TSPEAR: variants seen among roughly 807,000 people sequenced by gnomAD.
TSPEAR encodes the protein thrombospondin type laminin G domain and EAR repeats, also known as thrombospondin-type laminin G domain and EAR repeat-containing protein.
A neutral mutation model predicts 71.6 loss-of-function variants in TSPEAR; 69 were observed. That is an observed-to-expected ratio of 0.96 (90% CI 0.79 to 1.18). The LOEUF is 1.18. TSPEAR is among the 50% of genes most tolerant of loss of function. The pLI is 0.00. For synonymous variants in TSPEAR, 402 were observed against 387.2 expected, an observed-to-expected ratio of 1.04 and a Z score of -0.45; for missense variants, 971 against 894.9, an observed-to-expected ratio of 1.09 and a Z score of -1.09.
intron 11 of TSPEAR, among the ~76,000 whole-genome samples, chr21:44,503,810 G>T (rs1358915913): frequency 8.4e-6 from 1 of 119,378 alleles, no homozygotes. Flanking sequence ...GTGAGCCCTC[G>T]GGGGGAAGCA....
At chr21:44,590,353 G>A (rs1555926286) in intron 1 of TSPEAR, among the ~76,000 whole-genome samples, 1 of 152,076 alleles carries the variant, frequency 6.6e-6, no homozygotes. Context: ...AGACCTAGGA[G>A]GCTGGGGGTG....
chr21:44,567,004 A>G (rs781875056), intron 2 of TSPEAR, among the ~76,000 whole-genome samples: 21 of 152,232 alleles, frequency 1.4e-4, no homozygotes, highest in Non-Finnish European at 2.9e-4. Flanking sequence ...AAAAAAATAG[A>G]TAAATTGAAC....
chr21:44,535,896 C>CAAAAAAAAAAA (rs10712664), intron 2 of TSPEAR, among the ~76,000 whole-genome samples: 1 of 136,870 alleles, frequency 7.3e-6, no homozygotes, highest in African/African-American at 2.7e-5. Context: ...CTATGTTTAT[C>CAAAAAAAAAAA]AAAAAAAAAA....
intron 1 of TSPEAR, among the ~76,000 whole-genome samples, chr21:44,614,091 GTC>G (rs1555931869): frequency 6.6e-6 from 1 of 152,168 alleles, no homozygotes. Flanking sequence ...CTGCTCTGGT[GTC>G]TGTCGGGGTG....
rs782022267 is a variant in TSPEAR at position 44,539,686 on chromosome 21, G to C, written c.304-5763C>G. 1.9e-6 allele frequency: 3 copies of C among 1,595,228 alleles called. No individual in the cohort carries two copies. The African/African-American group carries it at 4.1e-5, about 22-fold the overall frequency. Reference sequence around the variant, plus strand: ...AGCATGAAGAGGAATCCTCAGAGCAGGTGGGCACATAGCACACAGGCTTGC... The same window carrying C: ...AGCATGAAGAGGAATCCTCAGAGCACGTGGGCACATAGCACACAGGCTTGC... On this transcript the variant is annotated intron_variant, in intron 2 of 11. Coordinates refer to ENST00000323084, the MANE Select transcript of TSPEAR (RefSeq NM_144991.3).
At chr21:44,601,878 T>TAGGAGGAGAAGCG in intron 1 of TSPEAR, 1 of 1,157,666 alleles carries the variant, frequency 8.6e-7, no homozygotes, top group Non-Finnish European at 1.2e-6. Flanking sequence ...TGTGCGCTTC[T>TAGGAGGAGAAGCG]CCTCCTAGAA....
intron 1 of TSPEAR, among the ~76,000 whole-genome samples, chr21:44,603,426 C>T (rs903977602): frequency 2.6e-5 from 4 of 152,162 alleles, no homozygotes; most frequent in African/African-American, 4.8e-5. Flanking sequence ...ATCCCACAGA[C>T]GGCAAGATGG....
rs1448388524 is a variant in TSPEAR, at chr21:44,506,002, C to T, written c.1755-1121G>A. 6.6e-6 allele frequency among the ~76,000 whole-genome samples: 1 copy of T among 152,210 alleles called. No individual in the cohort carries two copies. The highest frequency in any genetic ancestry group is 1.5e-5 in the Non-Finnish European group (1 of 68,044). The stretch of plus-strand genomic sequence containing the variant: ...CAGAAATGGCGTCACAGTGCTGTGG[C>T]CTCTGTGCCTGGTTTCTTCTCTCAG... On this transcript the variant is annotated intron_variant, in intron 10 of 11. Coordinates refer to ENST00000323084, the MANE Select transcript of TSPEAR (RefSeq NM_144991.3). The surrounding 1 kb of genome is among the most constrained non-coding windows in gnomAD (Gnocchi z 4.2).
At chr21:44,590,075 G>C (rs148426090) in intron 1 of TSPEAR, among the ~76,000 whole-genome samples, 4,712 of 152,326 alleles carry the variant, frequency 0.031, 247 homozygotes, top group African/African-American at 0.11. Context: ...GGGTCTGCCT[G>C]GAGGGGAGTG....
In TSPEAR at chr21:44,710,148, A is replaced by C. The variant is rs1277340394; in HGVS notation, c.82+1285T>G. On this transcript the variant is annotated intron_variant, in intron 1 of 11. Coordinates refer to ENST00000323084, the MANE Select transcript of TSPEAR (RefSeq NM_144991.3). This position sits in a 1 kb window ranked among gnomAD's most constrained non-coding sequence, Gnocchi z 4.6. ...GGGTCCTCGAGCAGGGGAGGGAGAA[A>C]GGCTGGCGCTGCGCCCTCCATCGCG... Among the ~76,000 whole-genome samples the C allele has an allele frequency of 6.6e-6, 1 of 151,986 alleles. No individual in the cohort carries two copies. Among genetic ancestry groups the C allele is most frequent in the African/African-American group, 2.4e-5 (1 of 41,370 alleles).
intron 2 of TSPEAR, among the ~76,000 whole-genome samples, chr21:44,538,422 GC>G (rs57097547): frequency 0.4 from 43,819 of 110,646 alleles, 7,286 homozygotes; most frequent in African/African-American, 0.42. Context: ...GGAAACTGCT[GC>G]CCCCCCCCCC....
chr21:44,584,242 C>T (rs1979196243), intron 1 of TSPEAR, among the ~76,000 whole-genome samples: 1 of 152,160 alleles, frequency 6.6e-6, no homozygotes, highest in Non-Finnish European at 1.5e-5. Flanking sequence ...CAGGTTCATC[C>T]ATGTTGCCAC....
intron 1 of TSPEAR, among the ~76,000 whole-genome samples, chr21:44,659,045 GA>G (rs1985338477): frequency 6.6e-6 from 1 of 152,166 alleles, no homozygotes; most frequent in Admixed American, 6.5e-5. Flanking sequence ...GGAAGTCGAA[GA>G]AAGTCTCATT....
At chr21:44,673,069 A>G (rs1390496330) in intron 1 of TSPEAR, among the ~76,000 whole-genome samples, 2 of 152,202 alleles carry the variant, frequency 1.3e-5, no homozygotes, top group Non-Finnish European at 1.5e-5. Flanking sequence ...AAATAGATAC[A>G]ATTCAAAAAG....
intron 9 of TSPEAR, chr21:44,518,267 A>AT (rs1272029229): frequency 6.4e-6 from 3 of 465,898 alleles, no homozygotes; most frequent in Non-Finnish European, 1.3e-5. Context: ...AGTTTTCAGG[A>AT]TTTTTGTCAA....
intron 1 of TSPEAR, chr21:44,658,378 A>C: frequency 9.1e-7 from 1 of 1,093,338 alleles, no homozygotes; most frequent in Middle Eastern, 3.0e-4. Context: ...ATGCCCAAGG[A>C]AACCTCTGAA....
At chr21:44,575,947 C>G (rs1304808909) in intron 1 of TSPEAR, among the ~76,000 whole-genome samples, 1 of 152,156 alleles carries the variant, frequency 6.6e-6, no homozygotes, top group Non-Finnish European at 1.5e-5. Context: ...GAACGACAGA[C>G]AGAGCACGTG....
intron 2 of TSPEAR, among the ~76,000 whole-genome samples, chr21:44,565,380 C>T (rs138841374): frequency 4.1e-4 from 62 of 152,244 alleles, no homozygotes; most frequent in Non-Finnish European, 8.2e-4. Context: ...GTATTAGTCT[C>T]ATACCATAAT....
intron 1 of TSPEAR, among the ~76,000 whole-genome samples, chr21:44,671,020 G>A (rs1176232605): frequency 6.6e-6 from 1 of 152,198 alleles, no homozygotes; most frequent in Non-Finnish European, 1.5e-5. Flanking sequence ...TGCACACTGT[G>A]TGGCCTGGCA....
Sources: gnomAD v4.1 joint callset for allele counts (sites outside exome capture counted in the v4.1 genomes callset) on GRCh38, gnomAD v4.1.1 for gene constraint, Gnocchi (gnomAD v3.1) non-coding constraint, MANE v1.5 for transcripts, NCBI Gene and HGNC (gene_info 2026-07-23, HGNC 2026-07-21) for gene names.